LHFPL5: variants seen among roughly 807,000 people sequenced by gnomAD.
LHFPL5 encodes LHFPL tetraspan subfamily member 5 protein.
LHFPL5 carries 12 observed loss-of-function variants against 18.7 expected under a neutral mutation model. That is an observed-to-expected ratio of 0.64 (90% CI 0.41 to 1.04). The LOEUF is 1.04. Among genes scored for constraint, LHFPL5 ranks in the 50% least tolerant of loss-of-function variants. LHFPL5 has a pLI of 0.00. For synonymous variants in LHFPL5, 111 were observed against 120.2 expected (o/e 0.92, Z 0.50); for missense variants, 259 against 292.1 (o/e 0.89, Z 0.83).
intron 1 of LHFPL5, among the ~76,000 whole-genome samples, chr6:35,810,438 T>G (rs1581969849): frequency 6.6e-6 from 1 of 152,214 alleles, no homozygotes; most frequent in South Asian, 2.1e-4. Flanking sequence ...AAAAACAGGC[T>G]GGGCATGGTG....
At position 35,823,380 on chromosome 6, in the gene LHFPL5, CAT is replaced by C. The variant is rs71838634; in HGVS notation, c.*423_*424del. On this transcript the variant is annotated 3_prime_UTR_variant, in exon 4 of 4. Coordinates refer to ENST00000360215, the MANE Select transcript of LHFPL5 (RefSeq NM_182548.4). ...CTGTGTCTGATAGCATACACACACA[CAT>C]ATATATACACACACACACACACACA... The C allele has an allele frequency of 0.037, 2,316 of 61,998 alleles. 36 individuals are homozygous for C. Among genetic ancestry groups the C allele is most frequent in the East Asian group, 0.088 (273 of 3,090 alleles). 3.8% of individuals were successfully genotyped at this position (61,998 alleles called of 1,614,324 possible).
Position 35,805,380 on chromosome 6 carries a change from G to A in LHFPL5, c.-291G>A. On this transcript the variant is annotated 5_prime_UTR_variant, in exon 1 of 4. Transcript: ENST00000360215. This position sits in a 1 kb window ranked among gnomAD's most constrained non-coding sequence, Gnocchi z 4.3. ...GGGAGCCGTGAGCCGGGAAGAGGGA[G>A]ACGGGCAGGGCGGCGCCAGCAGGCC... 1 of 412,846 alleles carries A rather than the reference G, an allele frequency of 2.4e-6. No individual in the cohort carries two copies. The allele number at this position is 412,846 out of a possible 1,614,324, so 25.6% of individuals were successfully genotyped here.
chr6:35,821,857 ATTT>A (rs763639486), intron 3 of LHFPL5, among the ~76,000 whole-genome samples: 342 of 38,964 alleles, frequency 8.8e-3, no homozygotes, highest in South Asian at 0.016. Context: ...GTGTACCACA[ATTT>A]TTTTTTTTTT....
At chr6:35,820,700 AAAATAAAT>A (rs10682489) in intron 3 of LHFPL5, among the ~76,000 whole-genome samples, 2 of 148,224 alleles carry the variant, frequency 1.3e-5, no homozygotes, top group African/African-American at 5.0e-5. Flanking sequence ...ACTCCATCTC[AAAATAAAT>A]AAATAAATAA....
Position 35,823,473 on chromosome 6 carries a change from A to ACTCTCTCTCTCT in LHFPL5, c.*509_*510insTCTCTCTCTCTC, listed in dbSNP as rs554538772. The ACTCTCTCTCTCT allele has an allele frequency of 6.5e-5, 6 of 91,660 alleles. No individual in the cohort carries two copies. The highest frequency in any genetic ancestry group is 5.4e-3 in the Middle Eastern group (1 of 184). The allele number at this position is 91,660 out of a possible 1,614,324, so 5.7% of individuals were successfully genotyped here. A position where few individuals can be genotyped will look rare whatever the true frequency, so the allele number is the denominator to read the frequency against. On this transcript the variant is annotated 3_prime_UTR_variant, in exon 4 of 4. Transcript: ENST00000360215. ...TACACACACACACACACACACACAC[A>ACTCTCTCTCTCT]CACACTCTCTCTCTCTCTCAAACAC...
intron 2 of LHFPL5, among the ~76,000 whole-genome samples, chr6:35,815,648 C>T (rs1218477543): frequency 6.6e-6 from 1 of 152,134 alleles, no homozygotes. Flanking sequence ...GGATTAGAAG[C>T]AGCAGCCAAA....
chr6:35,808,176 C>T (rs1768601683), intron 1 of LHFPL5, among the ~76,000 whole-genome samples: 1 of 151,832 alleles, frequency 6.6e-6, no homozygotes, highest in South Asian at 2.1e-4. Context: ...TGGGGGCAGG[C>T]ACAGCGGCTC....
chr6:35,812,521 A>G (rs184134484), intron 1 of LHFPL5, among the ~76,000 whole-genome samples: 1 of 152,146 alleles, frequency 6.6e-6, no homozygotes, highest in African/African-American at 2.4e-5. Flanking sequence ...ATGGAAAGGG[A>G]TGGAAGAAGT....
At position 35,819,542 on chromosome 6, in the gene LHFPL5, C is replaced by A. The variant is rs954360544; in HGVS notation, c.*16+79C>A. The A allele has an allele frequency of 8.4e-6, 11 of 1,308,350 alleles. No individual in the cohort carries two copies. In the African/African-American group the frequency reaches 1.5e-4, roughly 17 times the overall value. The allele number at this position is 1,308,350 out of a possible 1,614,324, so 81.0% of individuals were successfully genotyped here. On this transcript the variant is annotated intron_variant, in intron 3 of 3. Transcript: ENST00000360215. ...TCTGCTTCCTTACTGAATCCTCAGG[C>A]ATCAGGACACCAGGGGCTGGGCTGT...
chr6:35,808,564 CATATATATATAT>C (rs56343421), intron 1 of LHFPL5, among the ~76,000 whole-genome samples: 2,813 of 87,216 alleles, frequency 0.032, 93 homozygotes, highest in African/African-American at 0.086. Context: ...TCATTTTATA[CATATATATATAT>C]ATATATATAT....
intron 2 of LHFPL5, 51 bp from the exon 3 acceptor site, chr6:35,819,386 C>T (rs1329500518): frequency 1.3e-6 from 2 of 1,584,690 alleles, no homozygotes; most frequent in Middle Eastern, 1.7e-4. Flanking sequence ...AGGAAATTAT[C>T]CTAAAAACGA....
intron 2 of LHFPL5, 27 bp from the exon 3 acceptor site, chr6:35,819,410 C>T (rs759877725): frequency 1.3e-5 from 21 of 1,612,570 alleles, no homozygotes; most frequent in South Asian, 3.3e-5. Flanking sequence ...TTGGTAGTAA[C>T]GTATACTGTT....
At chr6:35,813,573 A>G (rs975779707) in intron 1 of LHFPL5, among the ~76,000 whole-genome samples, 8 of 151,822 alleles carry the variant, frequency 5.3e-5, no homozygotes, top group Non-Finnish European at 1.2e-4. Context: ...AGGGACGTGT[A>G]GCAACTGGAC....
chr6:35,815,021 G>A (rs910365836), intron 2 of LHFPL5, among the ~76,000 whole-genome samples: 1 of 152,204 alleles, frequency 6.6e-6, no homozygotes, highest in African/African-American at 2.4e-5. Context: ...CACTCTCAGA[G>A]GCTATAGGGG....
intron 2 of LHFPL5, among the ~76,000 whole-genome samples, chr6:35,818,335 ATATATATATATATGTATTTT>A (rs1768799065): frequency 3.9e-4 from 3 of 7,654 alleles, no homozygotes; most frequent in Admixed American, 2.1e-3. Flanking sequence ...ATATATATAT[ATATATATATATATGTATTTT>A]TTTTTTTTTT....
intron 2 of LHFPL5, among the ~76,000 whole-genome samples, chr6:35,816,371 A>AT (rs1470105454): frequency 6.6e-6 from 1 of 151,472 alleles, no homozygotes; most frequent in Non-Finnish European, 1.5e-5. Context: ...AGAAAAAAAA[A>AT]GAAAAAGAAA....
At chr6:35,815,893 C>T (rs375479944) in intron 2 of LHFPL5, among the ~76,000 whole-genome samples, 10 of 152,162 alleles carry the variant, frequency 6.6e-5, no homozygotes, top group African/African-American at 2.2e-4. Flanking sequence ...GAAAACAGGC[C>T]GGGCACGGTG....
chr6:35,813,623 C>A (rs1768708026), intron 1 of LHFPL5, among the ~76,000 whole-genome samples: 1 of 151,934 alleles, frequency 6.6e-6, no homozygotes, highest in African/African-American at 2.4e-5. Context: ...AACCTGTTTG[C>A]TTGAATGGAA....
At chr6:35,819,674 A>T in intron 3 of LHFPL5, 2 of 575,878 alleles carry the variant, frequency 3.5e-6, no homozygotes, top group Non-Finnish European at 3.0e-6. Context: ...CTTTAGTTTT[A>T]CCTGTGTCTT....
Sources: gnomAD v4.1 joint callset for allele counts (sites outside exome capture counted in the v4.1 genomes callset) on GRCh38, gnomAD v4.1.1 for gene constraint, Gnocchi (gnomAD v3.1) non-coding constraint, MANE v1.5 for transcripts, NCBI Gene and HGNC (gene_info 2026-07-23, HGNC 2026-07-21) for gene names.